USP32: variants seen among roughly 807,000 people sequenced by gnomAD.
USP32 encodes the protein ubiquitin carboxyl-terminal hydrolase 32.
In USP32, 59 loss-of-function variants were observed where a neutral mutation model predicts 204.8. The observed-to-expected ratio is 0.29, with a 90% CI of 0.23 to 0.36. USP32 has a LOEUF of 0.36. USP32 is among the 10% of genes least tolerant of loss of function. The probability of loss-of-function intolerance (pLI) is 1.00; values close to 1 mark genes in which losing one functional copy is unlikely to be tolerated. For missense variants in USP32, 1,160 were observed against 1,946.4 expected, an observed-to-expected ratio of 0.60 and a Z score of 7.60; for synonymous variants, 517 against 678.4, an observed-to-expected ratio of 0.76 and a Z score of 3.70.
chr17:60,391,834 C>T, intron 1 of USP32, 48 bp downstream of exon 1: 1 of 1,587,112 alleles, frequency 6.3e-7, no homozygotes, highest in Non-Finnish European at 8.6e-7. Flanking sequence ...CTCCAGGCTG[C>T]CCGTCGCGGG....
At chr17:60,338,675 AGCCGAAATT>A (rs1317375317) in intron 2 of USP32, among the ~76,000 whole-genome samples, 1 of 152,180 alleles carries the variant, frequency 6.6e-6, no homozygotes, top group Non-Finnish European at 1.5e-5. Flanking sequence ...GGATGCAGTG[AGCCGAAATT>A]GCACCACTGC....
Position 60,223,960 on chromosome 17 carries a change from G to A in USP32, c.1433-374C>T, listed in dbSNP as rs143304435. ...TAGAAAAATATTCCAAATGTTCTTG[G>A]TAGATAATGGTGATATGAAGTCACT... On this transcript the variant is annotated intron_variant, in intron 13 of 33. Coordinates refer to ENST00000300896, the MANE Select transcript of USP32 (RefSeq NM_032582.4). Among the ~76,000 whole-genome samples the A allele has an allele frequency of 1.1e-4, 17 of 152,214 alleles. 1 individual carries two copies. The East Asian group carries it at 1.5e-3, about 14-fold the overall frequency.
chr17:60,299,174 G>A (rs776274278), intron 3 of USP32, among the ~76,000 whole-genome samples: 7 of 151,944 alleles, frequency 4.6e-5, no homozygotes, highest in Non-Finnish European at 7.4e-5. Flanking sequence ...ACAAAACCAC[G>A]TATCAAAATA....
intron 2 of USP32, among the ~76,000 whole-genome samples, chr17:60,308,031 G>A (rs1185017306): frequency 1.3e-5 from 2 of 152,164 alleles, no homozygotes; most frequent in Non-Finnish European, 2.9e-5. Flanking sequence ...GCCGCTGAGA[G>A]GCCCGACTCC....
chr17:60,336,722 A>AAG (rs2088531179), intron 2 of USP32, among the ~76,000 whole-genome samples: 1 of 151,688 alleles, frequency 6.6e-6, no homozygotes, highest in African/African-American at 2.4e-5. Context: ...TCTCAAAAAA[A>AAG]AAAAAAAAGA....
chr17:60,255,763 G>C (rs1205725510), intron 9 of USP32, among the ~76,000 whole-genome samples: 4 of 151,856 alleles, frequency 2.6e-5, no homozygotes, highest in East Asian at 3.9e-4. Flanking sequence ...ATCATATATG[G>C]TTGGTAAAAT....
chr17:60,290,939 C>T (rs1359220315), intron 4 of USP32, among the ~76,000 whole-genome samples: 3 of 152,172 alleles, frequency 2.0e-5, no homozygotes. Flanking sequence ...TCCAGGTAGA[C>T]CCTTCTACCA....
chr17:60,207,990 C>A, intron 24 of USP32, 69 bp downstream of exon 24: 1 of 1,489,324 alleles, frequency 6.7e-7, no homozygotes, highest in Non-Finnish European at 9.0e-7. Flanking sequence ...AACAATTGAT[C>A]ATAATAATTG....
chr17:60,415,050 C>T (rs990645104), intron 1 of USP32, among the ~76,000 whole-genome samples: 1 of 151,984 alleles, frequency 6.6e-6, no homozygotes, highest in African/African-American at 2.4e-5. Flanking sequence ...GTTTATAGTC[C>T]TCTATAAAGA....
At chr17:60,389,830 C>A (rs185997392) in intron 1 of USP32, among the ~76,000 whole-genome samples, 26 of 152,008 alleles carry the variant, frequency 1.7e-4, no homozygotes, top group Admixed American at 3.3e-4. Flanking sequence ...TCCCGGCTAA[C>A]ACGGTGAAAC....
chr17:60,240,713 C>T (rs1003970408), intron 11 of USP32, among the ~76,000 whole-genome samples: 1 of 152,112 alleles, frequency 6.6e-6, no homozygotes, highest in Non-Finnish European at 1.5e-5. Context: ...ATGTGCAAAG[C>T]CTTCTAAATT....
intron 1 of USP32, among the ~76,000 whole-genome samples, chr17:60,385,403 C>G (rs1185045095): frequency 1.3e-5 from 2 of 152,092 alleles, no homozygotes; most frequent in East Asian, 3.9e-4. Context: ...ACGCGCATGA[C>G]AGTGTGGTGG....
At chr17:60,347,848 C>T (rs1338403751) in intron 1 of USP32, among the ~76,000 whole-genome samples, 1 of 151,576 alleles carries the variant, frequency 6.6e-6, no homozygotes, top group Non-Finnish European at 1.5e-5. Flanking sequence ...AAAGGCTGGG[C>T]GCAGTGGCTC....
intron 26 of USP32, among the ~76,000 whole-genome samples, chr17:60,199,267 A>G (rs1200686594): frequency 6.6e-6 from 1 of 152,222 alleles, no homozygotes; most frequent in Non-Finnish European, 1.5e-5. Flanking sequence ...TCTATTTTAT[A>G]ACAAGCTTAT....
chr17:60,203,574 T>TTATA (rs1567762854), intron 26 of USP32, among the ~76,000 whole-genome samples: 1 of 151,910 alleles, frequency 6.6e-6, no homozygotes, highest in African/African-American at 2.4e-5. Flanking sequence ...CTTTCCTTTA[T>TTATA]TTTATTTATT....
intron 7 of USP32, among the ~76,000 whole-genome samples, chr17:60,268,141 C>T (rs2086641055): frequency 1.3e-5 from 2 of 152,128 alleles, no homozygotes; most frequent in Non-Finnish European, 2.9e-5. Context: ...GAAATTCAAA[C>T]ACAACATGCT....
At chr17:60,390,189 C>T (rs537637719) in intron 1 of USP32, among the ~76,000 whole-genome samples, 1 of 152,310 alleles carries the variant, frequency 6.6e-6, no homozygotes, top group South Asian at 2.1e-4. Context: ...TTTGTATTTA[C>T]AAACGTACCA....
chr17:60,267,429 GAATCTTA>G (rs1215914086), intron 7 of USP32, among the ~76,000 whole-genome samples: 1 of 152,074 alleles, frequency 6.6e-6, no homozygotes, highest in African/African-American at 2.4e-5. Context: ...TTTATATCAA[GAATCTTA>G]AGCTGATATA....
intron 12 of USP32, among the ~76,000 whole-genome samples, chr17:60,227,962 T>C (rs2085439762): frequency 6.6e-6 from 1 of 152,162 alleles, no homozygotes; most frequent in Non-Finnish European, 1.5e-5. Flanking sequence ...AGTAGGAATC[T>C]ATATTACATA....
Sources: allele counts gnomAD v4.1 joint callset (sites outside exome capture counted in the v4.1 genomes callset), GRCh38; gene constraint gnomAD v4.1.1; transcripts MANE v1.5; gene names NCBI Gene and HGNC (gene_info 2026-07-23, HGNC 2026-07-21).